TMEM164: variants seen among roughly 807,000 people sequenced by gnomAD.
The protein encoded by TMEM164 is transmembrane protein 164, also known as RP13-360B22.2.
A neutral mutation model predicts 18.8 loss-of-function variants in TMEM164; 4 were observed. That is an observed-to-expected ratio of 0.21 (90% CI 0.10 to 0.49). The LOEUF is 0.49. Ranked by LOEUF, TMEM164 falls within the 20% of genes least tolerant of loss-of-function variation. The pLI, the probability that TMEM164 is intolerant of heterozygous loss-of-function variation, is 0.98. For missense variants in TMEM164, 108 were observed against 239.9 expected (o/e 0.45, Z 3.63); for synonymous variants, 86 against 101.7 (o/e 0.85, Z 0.93).
intron 4 of TMEM164, among the ~76,000 whole-genome samples, chrX:110,141,279 C>T (rs896586028): frequency 1.2e-4 from 13 of 112,056 alleles, no homozygotes; most frequent in Non-Finnish European, 1.5e-4. Flanking sequence ...ATGTCAGATG[C>T]GCATGATCAT....
intron 2 of TMEM164, chrX:110,055,286 G>A: frequency 2.6e-6 from 1 of 382,046 alleles, no homozygotes; most frequent in Non-Finnish European, 5.2e-6. Flanking sequence ...GTTCTTTTTG[G>A]CTTTGTTCTC....
At chrX:110,093,595 T>A (rs1413073860) in intron 3 of TMEM164, among the ~76,000 whole-genome samples, 1 of 111,966 alleles carries the variant, frequency 8.9e-6, no homozygotes, top group Admixed American at 9.5e-5. Flanking sequence ...TTATTAGGCT[T>A]GATAGTGGTC....
intron 2 of TMEM164, among the ~76,000 whole-genome samples, chrX:110,018,576 G>T (rs1933615748): frequency 8.9e-6 from 1 of 112,195 alleles, no homozygotes; most frequent in African/African-American, 3.2e-5. Flanking sequence ...GTTTTATTTT[G>T]TTTGAGGTCT....
chrX:110,116,149 C>T (rs772618760), intron 4 of TMEM164, among the ~76,000 whole-genome samples: 3 of 112,067 alleles, frequency 2.7e-5, no homozygotes, highest in African/African-American at 9.7e-5. Flanking sequence ...ATTGCAGTTG[C>T]TCTATGTTTC....
At chrX:110,160,283 G>A (rs1338748948) in intron 5 of TMEM164, among the ~76,000 whole-genome samples, 1 of 111,718 alleles carries the variant, frequency 9.0e-6, no homozygotes, top group Non-Finnish European at 1.9e-5. Context: ...CAGACAACAA[G>A]CACCAGTGGT....
At chrX:110,015,753 G>A (rs920839465) in intron 2 of TMEM164, among the ~76,000 whole-genome samples, 10 of 111,694 alleles carry the variant, frequency 9.0e-5, no homozygotes, top group African/African-American at 3.3e-4. Context: ...AGCCCCACAG[G>A]GAATGTTGGC....
chrX:110,040,854 G>T (rs1170188502), intron 2 of TMEM164, among the ~76,000 whole-genome samples: 1 of 111,223 alleles, frequency 9.0e-6, no homozygotes, highest in African/African-American at 3.3e-5. Flanking sequence ...TTGATTTGAA[G>T]AAATGCCACT....
In TMEM164 at chrX:110,115,397, GA is replaced by G. The variant is rs774943278; in HGVS notation, c.507+6252del. 1.1e-3 allele frequency among the ~76,000 whole-genome samples: 125 copies of G among 112,116 alleles called. 2 individuals carry two copies. The highest frequency in any genetic ancestry group is 4.6e-3 in the Middle Eastern group (1 of 217). On this transcript the variant is annotated intron_variant, in intron 4 of 6. Coordinates refer to ENST00000372068, the MANE Select transcript of TMEM164 (RefSeq NM_032227.4). ...GTATTAATTTTCTAAAGAATTGAGTGAGGCACAATAGTGCCTCAACCTTCTG... is the reference window on the plus strand; with the variant it reads ...GTATTAATTTTCTAAAGAATTGAGTGGGCACAATAGTGCCTCAACCTTCTG...
At chrX:110,013,755 G>A (rs1933140964) in intron 2 of TMEM164, among the ~76,000 whole-genome samples, 1 of 111,956 alleles carries the variant, frequency 8.9e-6, no homozygotes, top group African/African-American at 3.3e-5. Context: ...TGTAAAATGG[G>A]AATAATAATA....
chrX:110,015,396 C>G (rs1322145267), intron 2 of TMEM164, among the ~76,000 whole-genome samples: 1 of 112,098 alleles, frequency 8.9e-6, no homozygotes, highest in African/African-American at 3.2e-5. Context: ...AAACAGCAAC[C>G]CAAATAAACA....
At chrX:110,050,526 A>C (rs1314664064) in intron 2 of TMEM164, among the ~76,000 whole-genome samples, 2 of 111,790 alleles carry the variant, frequency 1.8e-5, no homozygotes, top group Non-Finnish European at 3.8e-5. Context: ...CTGAGAAAAG[A>C]GAACAAAAGG....
intron 4 of TMEM164, among the ~76,000 whole-genome samples, chrX:110,120,424 C>T (rs1014223818): frequency 8.9e-6 from 1 of 112,091 alleles, no homozygotes; most frequent in Non-Finnish European, 1.9e-5. Flanking sequence ...ATTAGTATCC[C>T]CAGAGCCACT....
intron 5 of TMEM164, among the ~76,000 whole-genome samples, chrX:110,147,968 G>A (rs17327168): frequency 0.017 from 1,931 of 110,359 alleles, 53 homozygotes; most frequent in African/African-American, 0.061. Flanking sequence ...GCTCCTGAAA[G>A]TGTCTCACCT....
At chrX:110,105,752 A>G (rs1441448642) in intron 3 of TMEM164, among the ~76,000 whole-genome samples, 3 of 25,978 alleles carry the variant, frequency 1.2e-4, no homozygotes, top group Non-Finnish European at 1.6e-4. Flanking sequence ...AGAGAGAATG[A>G]GAGAGAGAGA....
At chrX:110,169,398 C>G (rs1037575440) in intron 5 of TMEM164, among the ~76,000 whole-genome samples, 2 of 111,608 alleles carry the variant, frequency 1.8e-5, no homozygotes, top group East Asian at 5.6e-4. Flanking sequence ...TTTCCCCCCA[C>G]TCTCCTCCAG....
intron 5 of TMEM164, among the ~76,000 whole-genome samples, chrX:110,154,116 A>C (rs1393046704): frequency 8.9e-6 from 1 of 111,971 alleles, no homozygotes; most frequent in Non-Finnish European, 1.9e-5. Flanking sequence ...CCACAGTTAC[A>C]TTAGCAGCAC....
At chrX:110,019,361 TTTC>T (rs1208106883) in intron 2 of TMEM164, among the ~76,000 whole-genome samples, 4 of 111,085 alleles carry the variant, frequency 3.6e-5, no homozygotes, top group Admixed American at 2.9e-4. Context: ...TTCTCTTCCT[TTTC>T]TTCTTTGATT....
At chrX:110,017,449 TCTC>T (rs1933478772) in intron 2 of TMEM164, among the ~76,000 whole-genome samples, 2 of 85,003 alleles carry the variant, frequency 2.4e-5, no homozygotes, top group African/African-American at 4.2e-5. Flanking sequence ...TTTCTTTCTC[TCTC>T]TCTCTCTCTC....
intron 5 of TMEM164, among the ~76,000 whole-genome samples, chrX:110,162,987 A>G (rs2067112358): frequency 8.9e-6 from 1 of 112,077 alleles, no homozygotes; most frequent in Non-Finnish European, 1.9e-5. Flanking sequence ...CACTACTCCA[A>G]CTTTAGTTCA....
Sources: allele counts gnomAD v4.1 joint callset (sites outside exome capture counted in the v4.1 genomes callset), GRCh38; gene constraint gnomAD v4.1.1; transcripts MANE v1.5; gene names NCBI Gene and HGNC (gene_info 2026-07-23, HGNC 2026-07-21).